ITGA1: variants seen among roughly 807,000 people sequenced by gnomAD.
ITGA1 encodes integrin subunit alpha 1.
ITGA1 carries 85 observed loss-of-function variants against 145.9 expected under a neutral mutation model. The observed-to-expected ratio is 0.58, with a 90% CI of 0.49 to 0.70. ITGA1 has a LOEUF of 0.70. ITGA1 is among the 30% of genes least tolerant of loss of function. The probability of loss-of-function intolerance (pLI) is 0.00; values close to 1 mark genes in which losing one functional copy is unlikely to be tolerated. For missense variants in ITGA1, 1,351 were observed against 1,418.7 expected, an observed-to-expected ratio of 0.95 and a Z score of 0.77; for synonymous variants, 520 against 495.3, an observed-to-expected ratio of 1.05 and a Z score of -0.66.
chr5:52,858,787 C>A (rs368053431), intron 2 of ITGA1, among the ~76,000 whole-genome samples: 4 of 152,138 alleles, frequency 2.6e-5, no homozygotes, highest in East Asian at 3.9e-4. Context: ...GAAATAAATA[C>A]CTAATAATAA....
chr5:52,788,119 G>A lies in ITGA1; in HGVS notation c.-235G>A. ...AGATTTCAGAGACCAAGAGCGCGAA[G>A]GGGCGGGCGATGTGGCAATCCGTCT... On this transcript the variant is annotated 5_prime_UTR_variant, in exon 1 of 29. Coordinates refer to ENST00000282588, the MANE Select transcript of ITGA1 (RefSeq NM_181501.2). 2.3e-6 allele frequency: 1 copy of A among 430,858 alleles called. No homozygotes were observed. Among genetic ancestry groups the A allele is most frequent in the Non-Finnish European group, 4.1e-6 (1 of 242,116 alleles). 26.7% of individuals were successfully genotyped at this position (430,858 alleles called of 1,614,324 possible). A position where few individuals can be genotyped will look rare whatever the true frequency, so the allele number is the denominator to read the frequency against.
chr5:52,806,155 C>G (rs910637679), intron 1 of ITGA1, among the ~76,000 whole-genome samples: 9 of 151,682 alleles, frequency 5.9e-5, no homozygotes, highest in African/African-American at 2.2e-4. Context: ...AAGTGCTCTT[C>G]AAGATTTTCC....
intron 12 of ITGA1, 57 bp from the exon 13 acceptor site, chr5:52,908,841 G>T: frequency 1.9e-6 from 3 of 1,585,276 alleles, no homozygotes; most frequent in Non-Finnish European, 2.6e-6. Flanking sequence ...GTAGATTTCA[G>T]TTTCCTTGAG....
chr5:52,899,307 G>T (rs892813489), intron 11 of ITGA1, among the ~76,000 whole-genome samples: 1 of 152,100 alleles, frequency 6.6e-6, no homozygotes, highest in Non-Finnish European at 1.5e-5. Context: ...TCAGGAAGGT[G>T]GCAGGTCTTT....
At chr5:52,800,130 G>T in intron 1 of ITGA1, 5 of 439,894 alleles carry the variant, frequency 1.1e-5, no homozygotes, top group Middle Eastern at 6.2e-4. Context: ...CTGCCAGCGG[G>T]AACTGTGTAG....
chr5:52,788,453 G>C, intron 1 of ITGA1, 39 bp downstream of exon 1: 4 of 1,430,498 alleles, frequency 2.8e-6, no homozygotes, highest in Non-Finnish European at 3.7e-6. Flanking sequence ...TCCTGCTCGC[G>C]GGCTTGGGGC....
chr5:52,896,137 C>T (rs1455699723), intron 9 of ITGA1, among the ~76,000 whole-genome samples: 1 of 152,138 alleles, frequency 6.6e-6, no homozygotes, highest in Non-Finnish European at 1.5e-5. Flanking sequence ...GGCCCAAACA[C>T]CCATGAACAG....
chr5:52,877,084 G>A (rs141955041), intron 6 of ITGA1, among the ~76,000 whole-genome samples: 2 of 152,304 alleles, frequency 1.3e-5, no homozygotes, highest in Admixed American at 6.5e-5. Context: ...ATTTCAAGGA[G>A]TAGCTTGAAG....
intron 23 of ITGA1, among the ~76,000 whole-genome samples, chr5:52,935,406 C>A (rs10064345): frequency 0.33 from 50,705 of 151,824 alleles, 8,911 homozygotes; most frequent in South Asian, 0.43. Flanking sequence ...AAATTACTTA[C>A]ATTATCATAT....
chr5:52,818,562 C>T lies in ITGA1; in HGVS notation c.61+30148C>T, dbSNP rs28595893. ...CCTCAGTGGTTTTGTAACTATTTCC[C>T]GCATTCACCTTAAACAATGCCTTTT... On this transcript the variant is annotated intron_variant, in intron 1 of 28. Coordinates refer to ENST00000282588, the MANE Select transcript of ITGA1 (RefSeq NM_181501.2). 6.7e-3 allele frequency among the ~76,000 whole-genome samples: 1,021 copies of T among 152,238 alleles called. 12 individuals carry two copies. The highest frequency in any genetic ancestry group is 0.023 in the African/African-American group (971 of 41,542).
At chr5:52,813,986 A>G (rs1160077247) in intron 1 of ITGA1, among the ~76,000 whole-genome samples, 11 of 152,190 alleles carry the variant, frequency 7.2e-5, no homozygotes, top group Non-Finnish European at 1.3e-4. Context: ...GCATTGTTCA[A>G]ATCCCAGCTC....
intron 1 of ITGA1, among the ~76,000 whole-genome samples, chr5:52,836,768 G>T (rs1169345944): frequency 2.6e-5 from 4 of 151,934 alleles, no homozygotes; most frequent in African/African-American, 4.8e-5. Context: ...TGCATTTTTT[G>T]CTTCTCTAAG....
intron 8 of ITGA1, among the ~76,000 whole-genome samples, chr5:52,888,668 A>G (rs1006851448): frequency 1.3e-5 from 2 of 152,244 alleles, no homozygotes; most frequent in Non-Finnish European, 2.9e-5. Flanking sequence ...AGTTACCCAA[A>G]TGGTATGCCA....
intron 7 of ITGA1, among the ~76,000 whole-genome samples, chr5:52,882,651 T>TA (rs1749978362): frequency 6.6e-6 from 1 of 152,192 alleles, no homozygotes; most frequent in African/African-American, 2.4e-5. Flanking sequence ...GGTGAACACA[T>TA]AACTCAGTCT....
intron 23 of ITGA1, among the ~76,000 whole-genome samples, chr5:52,934,543 C>T (rs1346333974): frequency 6.6e-6 from 1 of 151,862 alleles, no homozygotes; most frequent in African/African-American, 2.4e-5. Context: ...ACTACCACCT[C>T]CTTAAATGAT....
intron 6 of ITGA1, among the ~76,000 whole-genome samples, chr5:52,870,833 G>T (rs1159182040): frequency 6.6e-6 from 1 of 152,206 alleles, no homozygotes. Context: ...CTTAGGAACT[G>T]AGGCAGTGGG....
At chr5:52,902,098 A>AAACTGTGT (rs1750324428) in intron 11 of ITGA1, 1 of 152,112 alleles carries the variant, frequency 6.6e-6, no homozygotes, top group Non-Finnish European at 1.5e-5. Context: ...ATTTTTTCAT[A>AAACTGTGT]AACTGTGTGG....
intron 5 of ITGA1, among the ~76,000 whole-genome samples, chr5:52,865,393 T>A (rs1327100109): frequency 2.0e-5 from 3 of 152,210 alleles, no homozygotes; most frequent in Non-Finnish European, 4.4e-5. Flanking sequence ...CAAAAACTGT[T>A]TTATAAAAAC....
At chr5:52,885,846 G>A (rs1019160990) in intron 7 of ITGA1, among the ~76,000 whole-genome samples, 6 of 152,176 alleles carry the variant, frequency 3.9e-5, no homozygotes, top group African/African-American at 1.4e-4. Flanking sequence ...GAAGTTAGTT[G>A]CAGTTTCTAA....
Sources: allele counts gnomAD v4.1 joint callset (sites outside exome capture counted in the v4.1 genomes callset), GRCh38; gene constraint gnomAD v4.1.1; transcripts MANE v1.5; gene names NCBI Gene and HGNC (gene_info 2026-07-23, HGNC 2026-07-21).